Variants in THEMIS observed in about 807,000 individuals in gnomAD.
THEMIS encodes the protein thymocyte selection associated, also known as protein THEMIS.
In THEMIS, 37 loss-of-function variants were observed where a neutral mutation model predicts 52.6. The ratio of observed to expected loss-of-function variants is 0.70; its 90% CI spans 0.54 to 0.93. The LOEUF is 0.93. Among genes scored for constraint, THEMIS ranks in the 40% least tolerant of loss-of-function variants. The pLI is 0.00. For synonymous variants in THEMIS, 292 were observed against 272.7 expected (o/e 1.07, Z -0.70); for missense variants, 808 against 763.1 (o/e 1.06, Z -0.69).
chr6:127,726,416 T>A (rs1225647136), intron 4 of THEMIS, among the ~76,000 whole-genome samples: 1 of 152,276 alleles, frequency 6.6e-6, no homozygotes, highest in Middle Eastern at 3.4e-3. Flanking sequence ...TGTAACTGAT[T>A]AGAAATCATC....
chr6:127,843,768 A>T, intron 2 of THEMIS, among the ~76,000 whole-genome samples: 1 of 151,870 alleles, frequency 6.6e-6, no homozygotes, highest in East Asian at 1.9e-4. Context: ...TAGGCCATAG[A>T]AGACTGGTTT....
At chr6:127,725,946 T>C (rs1205845982) in intron 4 of THEMIS, among the ~76,000 whole-genome samples, 1 of 152,150 alleles carries the variant, frequency 6.6e-6, no homozygotes, top group Non-Finnish European at 1.5e-5. Context: ...AGCTTTAAGC[T>C]GTGACCTTCC....
chr6:127,812,864 T>C lies in THEMIS; in HGVS notation c.1758+19A>G. ...AAGGAACACACTCCAGAGAAAACAT[T>C]GCAAAACCATAGCCTTACCTTGGGA... On this transcript the variant is annotated intron_variant, in intron 4 of 5. Transcript: ENST00000368248. 1 of 1,550,712 alleles carries C rather than the reference T, an allele frequency of 6.4e-7. No individual in the cohort carries two copies. Among genetic ancestry groups the C allele is most frequent in the African/African-American group, 1.4e-5 (1 of 72,842 alleles).
At chr6:127,810,980 G>A (rs932975363) in intron 4 of THEMIS, among the ~76,000 whole-genome samples, 4 of 151,932 alleles carry the variant, frequency 2.6e-5, no homozygotes, top group Admixed American at 2.6e-4. Context: ...TATTCCTGAA[G>A]CTTAGCTGTA....
chr6:127,708,350 C>T lies in THEMIS; in HGVS notation c.*1635G>A, dbSNP rs1157481690. 1 of 151,698 alleles carries T rather than the reference C, an allele frequency of 6.6e-6. No homozygotes were observed. The highest frequency in any genetic ancestry group is 1.5e-5 in the Non-Finnish European group (1 of 67,928). 9.4% of individuals were successfully genotyped at this position (151,698 alleles called of 1,614,324 possible). ...TTATATATGATTTCTATTAGAAAGC[C>T]CTTGATAATTTACAACCAAAGTAAG... On this transcript the variant is annotated 3_prime_UTR_variant, in exon 6 of 6. Transcript: ENST00000368248.
chr6:127,820,733 G>T (rs1381093931), intron 3 of THEMIS, among the ~76,000 whole-genome samples: 3 of 151,952 alleles, frequency 2.0e-5, no homozygotes, highest in Non-Finnish European at 4.4e-5. Context: ...CATTATTTTT[G>T]CATGAACTTT....
rs1388808237 is a variant in THEMIS at position 127,900,834 on chromosome 6, G to C, written c.91+8C>G. 6.2e-7 allele frequency: 1 copy of C among 1,610,348 alleles called. No individual in the cohort carries two copies. The highest frequency in any genetic ancestry group is 8.5e-7 in the Non-Finnish European group (1 of 1,176,904). ...TTCTAGCCAGTAAAGGTATTGGAGA[G>C]TGCTTACCTTCAAGATAGATGCCTG... On this transcript the variant is annotated splice_region_variant and intron_variant, in intron 1 of 5. Transcript: ENST00000368248.
At chr6:127,917,426 C>T (rs1781549868) in intron 1 of THEMIS, among the ~76,000 whole-genome samples, 1 of 152,182 alleles carries the variant, frequency 6.6e-6, no homozygotes, top group Non-Finnish European at 1.5e-5. Context: ...TGATAGGATG[C>T]TGAAAACAGG....
intron 1 of THEMIS, among the ~76,000 whole-genome samples, chr6:127,907,164 A>G (rs1479114124): frequency 6.6e-6 from 1 of 151,814 alleles, no homozygotes; most frequent in Non-Finnish European, 1.5e-5. Flanking sequence ...CTTTCTTTTC[A>G]TTGGTTATTT....
At chr6:127,767,385 C>A (rs1436025126) in intron 4 of THEMIS, among the ~76,000 whole-genome samples, 1 of 152,188 alleles carries the variant, frequency 6.6e-6, no homozygotes, top group Non-Finnish European at 1.5e-5. Context: ...AGCCACCACA[C>A]CAGGCCAAAT....
chr6:127,891,627 T>C (rs998920977), intron 1 of THEMIS, among the ~76,000 whole-genome samples: 2 of 151,970 alleles, frequency 1.3e-5, no homozygotes, highest in African/African-American at 2.4e-5. Flanking sequence ...TTCCTTTCTC[T>C]TCACACTAAA....
intron 1 of THEMIS, among the ~76,000 whole-genome samples, chr6:127,865,027 A>T (rs1372517634): frequency 6.6e-6 from 1 of 152,116 alleles, no homozygotes; most frequent in East Asian, 1.9e-4. Flanking sequence ...ACATGTACAA[A>T]CTGTTGCTAA....
chr6:127,797,397 T>C (rs965571602), intron 4 of THEMIS, among the ~76,000 whole-genome samples: 7 of 152,210 alleles, frequency 4.6e-5, no homozygotes, highest in Non-Finnish European at 1.0e-4. Context: ...ATATATGCAC[T>C]AGTCAAGGTC....
At chr6:127,882,433 A>C (rs139836282) in intron 1 of THEMIS, among the ~76,000 whole-genome samples, 1 of 152,044 alleles carries the variant, frequency 6.6e-6, no homozygotes, top group Non-Finnish European at 1.5e-5. Context: ...TCAGGATATA[A>C]TAAATTTTAC....
the THEMIS span, among the ~76,000 whole-genome samples, chr6:127,701,949 T>G: frequency 1.3e-5 from 2 of 152,270 alleles, no homozygotes; most frequent in Admixed American, 6.5e-5. Context: ...CATTTTTTAT[T>G]GGACTTATAT....
intron 1 of THEMIS, among the ~76,000 whole-genome samples, chr6:127,866,232 A>C (rs915626084): frequency 6.6e-6 from 1 of 152,030 alleles, no homozygotes; most frequent in Non-Finnish European, 1.5e-5. Flanking sequence ...TTAATGATTT[A>C]GTTTGTTCTT....
chr6:127,773,845 C>A (rs1776467228), intron 4 of THEMIS, among the ~76,000 whole-genome samples: 1 of 152,150 alleles, frequency 6.6e-6, no homozygotes, highest in Admixed American at 6.5e-5. Flanking sequence ...TTAGTATAAT[C>A]TTATGGTCTC....
rs529282770 is a variant in THEMIS, at chr6:127,759,828, TTCCCTCCCTCCCTCCC to T, written c.1759-40021_1759-40006del. ...CCTCCTTTCCTCATTCCTTCCCTCC[TTCCCTCCCTCCCTCCC>T]TCCCTCCCTCCCTCCTTCCTTCCTT... is the stretch of plus-strand genomic sequence containing the variant. On this transcript the variant is annotated intron_variant, in intron 4 of 5. Coordinates refer to ENST00000368248, the MANE Select transcript of THEMIS (RefSeq NM_001010923.3). 2.4e-4 allele frequency among the ~76,000 whole-genome samples: 28 copies of T among 116,148 alleles called. 1 individual carries two copies. The South Asian group carries it at 7.5e-3, about 31-fold the overall frequency. The allele number at this position is 116,148 out of a possible 152,430, so 76.2% of individuals were successfully genotyped here.
At chr6:127,918,329 C>G (rs1422990160) in intron 1 of THEMIS, 1 of 152,094 alleles carries the variant, frequency 6.6e-6, no homozygotes, top group Non-Finnish European at 1.5e-5. Flanking sequence ...TATAACTGAC[C>G]ATTTAAAGCA....
Sources: allele counts gnomAD v4.1 joint callset (sites outside exome capture counted in the v4.1 genomes callset), GRCh38; gene constraint gnomAD v4.1.1; transcripts MANE v1.5; gene names NCBI Gene and HGNC (gene_info 2026-07-23, HGNC 2026-07-21).